The following MANSC4 variants were observed in gnomAD, a reference collection of about 807,000 sequenced individuals.
The protein encoded by MANSC4 is MANSC domain containing 4, also known as MANSC domain-containing protein 4.
Under a neutral mutation model 11.4 loss-of-function variants are expected in MANSC4, and 11 were observed. The ratio of observed to expected loss-of-function variants is 0.97; its 90% CI spans 0.61 to 1.60. The LOEUF (loss-of-function observed/expected upper bound fraction) is 1.60. Ranked by LOEUF, MANSC4 falls within the 40% of genes most tolerant of loss-of-function variation. The pLI, the probability that MANSC4 is intolerant of heterozygous loss-of-function variation, is 0.00. For missense variants in MANSC4, 354 were observed against 404.6 expected (o/e 0.88, Z 1.07); for synonymous variants, 123 against 147.1 (o/e 0.84, Z 1.19).
chr12:27,779,018 G>C (rs565849617), intron 1 of MANSC4, among the ~76,000 whole-genome samples: 19 of 152,330 alleles, frequency 1.2e-4, no homozygotes, highest in African/African-American at 4.3e-4. Context: ...ACAGGCGCGT[G>C]CCACCACGCC....
At chr12:27,771,893 C>A (rs1021112907) in intron 1 of MANSC4, among the ~76,000 whole-genome samples, 94 of 151,702 alleles carry the variant, frequency 6.2e-4, no homozygotes, top group African/African-American at 2.2e-3. Flanking sequence ...AAAAAAAAAA[C>A]CTTGGCCAGG....
Position 27,771,174 on chromosome 12 carries a change from TC to T in MANSC4, c.102del (p.Trp34Ter). On this transcript the variant is annotated frameshift_variant, in exon 2 of 4. Transcript: ENST00000381273. LOFTEE classifies it high-confidence loss of function. ...CSPTIFYRDC[W>X]IRRFPGLLIN... ...ATTAGAAGACCTGGGAAGCGACGGA[TC>T]CAGCAGTCTCTGTAAAAAATTGTGG... 1 of 1,552,074 alleles carries T rather than the reference TC, an allele frequency of 6.4e-7. No individual in the cohort carries two copies. Among genetic ancestry groups the T allele is most frequent in the Non-Finnish European group, 8.7e-7 (1 of 1,147,054 alleles).
At chr12:27,777,136 C>A (rs1433732919) in intron 1 of MANSC4, among the ~76,000 whole-genome samples, 1 of 152,220 alleles carries the variant, frequency 6.6e-6, no homozygotes, top group African/African-American at 2.4e-5. Context: ...ACCCCAGACT[C>A]CCTGTCCAAC....
chr12:27,768,109 T>C (rs572824522), intron 2 of MANSC4, among the ~76,000 whole-genome samples: 1 of 152,010 alleles, frequency 6.6e-6, no homozygotes, highest in Admixed American at 6.6e-5. Context: ...TTTTAAAACA[T>C]GTTCTCTGGC....
intron 1 of MANSC4, among the ~76,000 whole-genome samples, chr12:27,776,088 CAAAA>C (rs35924016): frequency 6.3e-5 from 4 of 63,076 alleles, no homozygotes; most frequent in Admixed American, 3.6e-4. Flanking sequence ...GAGACTGTCT[CAAAA>C]AAAAAAAAAA....
chr12:27,769,891 G>T (rs982960763), intron 2 of MANSC4, among the ~76,000 whole-genome samples: 1 of 152,106 alleles, frequency 6.6e-6, no homozygotes, highest in Non-Finnish European at 1.5e-5. Flanking sequence ...AAATGAAAAA[G>T]AAATGAAAGA....
chr12:27,771,319 A>T lies in MANSC4; in HGVS notation c.-43T>A, dbSNP rs960920584. 3 of 1,510,730 alleles carry T rather than the reference A, an allele frequency of 2.0e-6. No individual in the cohort carries two copies. The highest frequency in any genetic ancestry group is 4.0e-5 in the Admixed American group (2 of 49,984). The allele number at this position is 1,510,730 out of a possible 1,614,324, so 93.6% of individuals were successfully genotyped here. ...AGACTCGAAGATAAGTCTGATTTCC[A>T]GACAGAAGCTGAACACTGGAGTTTA... On this transcript the variant is annotated 5_prime_UTR_variant, in exon 2 of 4. Coordinates refer to ENST00000381273, the MANE Select transcript of MANSC4 (RefSeq NM_001146221.5).
chr12:27,771,304 A>G lies in MANSC4; in HGVS notation c.-28T>C. ...TTCCTGTATGAAGGAAGACTCGAAG[A>G]TAAGTCTGATTTCCAGACAGAAGCT... On this transcript the variant is annotated 5_prime_UTR_variant, in exon 2 of 4. Transcript: ENST00000381273. 3 of 1,534,496 alleles carry G rather than the reference A, an allele frequency of 2.0e-6. No homozygotes were observed. The highest frequency in any genetic ancestry group is 1.2e-5 in the South Asian group (1 of 82,650).
At chr12:27,769,783 GA>G (rs1375719860) in intron 2 of MANSC4, among the ~76,000 whole-genome samples, 1 of 152,206 alleles carries the variant, frequency 6.6e-6, no homozygotes, top group Non-Finnish European at 1.5e-5. Context: ...AAGTTGATAT[GA>G]AACCATGGAA....
chr12:27,776,690 G>A (rs11049141), intron 1 of MANSC4, among the ~76,000 whole-genome samples: 24,929 of 152,006 alleles, frequency 0.16, 2,543 homozygotes, highest in Non-Finnish European at 0.23. Flanking sequence ...AACCTGGGAG[G>A]CTTCATTGAG....
rs1040578280 is a variant in MANSC4, at chr12:27,780,172, G to A, written c.-307+38C>T. The A allele has an allele frequency of 1.8e-4, 65 of 365,294 alleles. 4 individuals carry two copies. The highest frequency in any genetic ancestry group is 5.6e-5 in the Non-Finnish European group (13 of 232,322). The allele number at this position is 365,294 out of a possible 1,614,324, so 22.6% of individuals were successfully genotyped here. A position where few individuals can be genotyped will look rare whatever the true frequency, so the allele number is the denominator to read the frequency against. ...GCGGGAGCGGGCCCCGGGAGGAGGG[G>A]CCGCCGGAGAGGCCGGGCGAGCGCG... On this transcript the variant is annotated intron_variant, in intron 1 of 3. Transcript: ENST00000381273. The surrounding 1 kb of genome is among the most constrained non-coding windows in gnomAD (Gnocchi z 8.8).
chr12:27,770,467 C>T (rs543751428), intron 2 of MANSC4, among the ~76,000 whole-genome samples: 1 of 152,106 alleles, frequency 6.6e-6, no homozygotes, highest in Non-Finnish European at 1.5e-5. Flanking sequence ...AGGCATTAGC[C>T]ACCGCACCTG....
intron 2 of MANSC4, among the ~76,000 whole-genome samples, chr12:27,768,482 A>G (rs2062084536): frequency 6.6e-6 from 1 of 152,054 alleles, no homozygotes. Context: ...AGAAGACTTA[A>G]AAAGAAAAAA....
At chr12:27,778,046 T>G (rs1357632058) in intron 1 of MANSC4, among the ~76,000 whole-genome samples, 1 of 151,664 alleles carries the variant, frequency 6.6e-6, no homozygotes, top group African/African-American at 2.4e-5. Flanking sequence ...ACCAACATGG[T>G]GAAACCCCGT....
chr12:27,764,729 A>C (rs1327458870), intron 3 of MANSC4, among the ~76,000 whole-genome samples: 1 of 152,096 alleles, frequency 6.6e-6, no homozygotes, highest in African/African-American at 2.4e-5. Context: ...GGAGGTTTCC[A>C]TCTGGACCTC....
intron 2 of MANSC4, among the ~76,000 whole-genome samples, chr12:27,768,486 GAA>G (rs1442991307): frequency 6.7e-6 from 1 of 149,860 alleles, no homozygotes; most frequent in Admixed American, 6.6e-5. Flanking sequence ...GACTTAAAAA[GAA>G]AAAAGTTTCC....
intron 3 of MANSC4, among the ~76,000 whole-genome samples, chr12:27,763,621 T>A (rs918007094): frequency 6.6e-6 from 1 of 152,090 alleles, no homozygotes; most frequent in African/African-American, 2.4e-5. Flanking sequence ...CAAATTTGAC[T>A]ACACCCAAGG....
intron 1 of MANSC4, among the ~76,000 whole-genome samples, chr12:27,776,279 G>A (rs2062119631): frequency 6.6e-6 from 1 of 151,998 alleles, no homozygotes; most frequent in African/African-American, 2.4e-5. Context: ...CCTGGCACAT[G>A]CTAAACACTC....
At chr12:27,776,389 T>TC (rs1476460639) in intron 1 of MANSC4, among the ~76,000 whole-genome samples, 1 of 152,238 alleles carries the variant, frequency 6.6e-6, no homozygotes, top group East Asian at 1.9e-4. Flanking sequence ...GATTTTTTTT[T>TC]CTACTTGCTA....
Sources: allele counts gnomAD v4.1 joint callset (sites outside exome capture counted in the v4.1 genomes callset), GRCh38; gene constraint gnomAD v4.1.1; non-coding constraint Gnocchi (gnomAD v3.1); transcripts MANE v1.5; gene names NCBI Gene and HGNC (gene_info 2026-07-23, HGNC 2026-07-21).